Variants in NDUFAF2 observed in about 807,000 individuals in gnomAD.
The protein encoded by NDUFAF2 is NADH dehydrogenase [ubiquinone] 1 alpha subcomplex assembly factor 2.
In NDUFAF2, 13 loss-of-function variants were observed where a neutral mutation model predicts 22.8. The ratio of observed to expected loss-of-function variants is 0.57; its 90% CI spans 0.37 to 0.91. The LOEUF (loss-of-function observed/expected upper bound fraction) is 0.91. Among genes scored for constraint, NDUFAF2 ranks in the 40% least tolerant of loss-of-function variants. The pLI, the probability that NDUFAF2 is intolerant of heterozygous loss-of-function variation, is 0.01. For missense variants in NDUFAF2, 162 were observed against 195.2 expected, an observed-to-expected ratio of 0.83 and a Z score of 1.01; for synonymous variants, 53 against 64.2, an observed-to-expected ratio of 0.83 and a Z score of 0.84.
intron 3 of NDUFAF2, among the ~76,000 whole-genome samples, chr5:61,124,431 A>G (rs1341769239): frequency 6.6e-6 from 1 of 151,918 alleles, no homozygotes; most frequent in African/African-American, 2.4e-5. Context: ...AAAGATTTCT[A>G]TTTTGGACAT....
chr5:60,947,638 C>T (rs753470189), intron 1 of NDUFAF2, among the ~76,000 whole-genome samples: 7 of 151,790 alleles, frequency 4.6e-5, no homozygotes, highest in East Asian at 1.9e-4. Flanking sequence ...TGGTGGCACG[C>T]GCCTGTAATC....
intron 1 of NDUFAF2, among the ~76,000 whole-genome samples, chr5:60,988,256 A>G (rs1204221615): frequency 1.3e-5 from 2 of 152,160 alleles, no homozygotes; most frequent in Non-Finnish European, 2.9e-5. Flanking sequence ...AGAATTACAA[A>G]CACTGCTCAA....
chr5:61,131,750 C>A (rs1753114259), intron 3 of NDUFAF2, among the ~76,000 whole-genome samples: 1 of 151,798 alleles, frequency 6.6e-6, no homozygotes, highest in Non-Finnish European at 1.5e-5. Context: ...TATATTTTAT[C>A]TATAATTATA....
chr5:61,128,379 C>T (rs1458808426), intron 3 of NDUFAF2, among the ~76,000 whole-genome samples: 6 of 152,080 alleles, frequency 3.9e-5, no homozygotes, highest in Non-Finnish European at 7.4e-5. Context: ...GGAGGCATCA[C>T]GCTACCTGAC....
intron 1 of NDUFAF2, among the ~76,000 whole-genome samples, chr5:60,990,504 G>A (rs886195062): frequency 6.6e-6 from 1 of 152,026 alleles, no homozygotes; most frequent in African/African-American, 2.4e-5. Flanking sequence ...TAAATGTTAT[G>A]TACATTTTTA....
At chr5:61,014,247 C>T (rs994465355) in intron 1 of NDUFAF2, among the ~76,000 whole-genome samples, 3 of 152,284 alleles carry the variant, frequency 2.0e-5, no homozygotes, top group South Asian at 2.1e-4. Context: ...ATGAGACCTC[C>T]GTGAAAACCC....
intron 3 of NDUFAF2, among the ~76,000 whole-genome samples, chr5:61,139,667 G>A (rs1188293461): frequency 6.6e-6 from 1 of 152,208 alleles, no homozygotes; most frequent in Admixed American, 6.5e-5. Context: ...TAATAGGGGC[G>A]GGTCCCTGGT....
intron 3 of NDUFAF2, among the ~76,000 whole-genome samples, chr5:61,124,136 C>A (rs1184611884): frequency 6.6e-6 from 1 of 151,948 alleles, no homozygotes; most frequent in African/African-American, 2.4e-5. Flanking sequence ...TGAATAGTTT[C>A]TTTTTCTCAG....
At chr5:60,999,502 G>A (rs370655957) in intron 1 of NDUFAF2, among the ~76,000 whole-genome samples, 2 of 152,180 alleles carry the variant, frequency 1.3e-5, no homozygotes, top group Admixed American at 6.6e-5. Flanking sequence ...CCATTTATAT[G>A]AAATATCCAG....
At chr5:61,124,149 A>G (rs1339053905) in intron 3 of NDUFAF2, among the ~76,000 whole-genome samples, 3 of 152,074 alleles carry the variant, frequency 2.0e-5, no homozygotes, top group African/African-American at 4.8e-5. Context: ...TTTCTCAGTA[A>G]CTGACTGACA....
At chr5:60,983,486 C>T (rs1210890096) in intron 1 of NDUFAF2, among the ~76,000 whole-genome samples, 1 of 146,164 alleles carries the variant, frequency 6.8e-6, no homozygotes, top group Non-Finnish European at 1.5e-5. Flanking sequence ...ATGCCTATGT[C>T]CTGAATGGTA....
At chr5:61,083,474 G>A (rs564406846) in intron 2 of NDUFAF2, 1 of 152,228 alleles carries the variant, frequency 6.6e-6, no homozygotes, top group East Asian at 1.9e-4. Flanking sequence ...TCCTGCCTCA[G>A]CCTCATGAGT....
chr5:60,978,747 G>T (rs750534026), intron 1 of NDUFAF2, among the ~76,000 whole-genome samples: 1 of 152,092 alleles, frequency 6.6e-6, no homozygotes, highest in Non-Finnish European at 1.5e-5. Context: ...TACAATTCCT[G>T]GCCTAGTTTT....
At position 61,147,437 on chromosome 5, in the gene NDUFAF2, C is replaced by CTTTTTTT. The variant is rs1240336890; in HGVS notation, c.259-5256_259-5250dup. ...CTAATTTTTGTATTTTTTTTTCTTT[C>CTTTTTTT]TTTTTTTTTTTTTTTTTGTAGCAAC... is the stretch of plus-strand genomic sequence containing the variant. On this transcript the variant is annotated intron_variant, in intron 3 of 3. Coordinates refer to ENST00000296597, the MANE Select transcript of NDUFAF2 (RefSeq NM_174889.5). Among the ~76,000 whole-genome samples, 13 of 84,724 alleles carry CTTTTTTT rather than the reference C, an allele frequency of 1.5e-4. No homozygotes were observed. The South Asian group carries it at 1.6e-3, about 10-fold the overall frequency. The allele number at this position is 84,724 out of a possible 152,430, so 55.6% of individuals were successfully genotyped here. A position where few individuals can be genotyped will look rare whatever the true frequency, so the allele number is the denominator to read the frequency against.
chr5:60,985,649 T>C (rs1309911599), intron 1 of NDUFAF2, among the ~76,000 whole-genome samples: 1 of 152,224 alleles, frequency 6.6e-6, no homozygotes, highest in Non-Finnish European at 1.5e-5. Flanking sequence ...CATTTCGTTA[T>C]GTACCCAGTA....
intron 1 of NDUFAF2, among the ~76,000 whole-genome samples, chr5:61,045,476 T>C (rs1751942463): frequency 6.6e-6 from 1 of 151,632 alleles, no homozygotes; most frequent in Non-Finnish European, 1.5e-5. Context: ...CTTGACTTTT[T>C]TTCTATTTTT....
At chr5:61,121,962 C>T (rs1284787840) in intron 3 of NDUFAF2, among the ~76,000 whole-genome samples, 1 of 151,952 alleles carries the variant, frequency 6.6e-6, no homozygotes, top group East Asian at 1.9e-4. Flanking sequence ...TCCCAAAAAG[C>T]TGGGATTACA....
chr5:61,110,790 C>T (rs995988647), intron 3 of NDUFAF2, among the ~76,000 whole-genome samples: 2 of 151,692 alleles, frequency 1.3e-5, no homozygotes, highest in Non-Finnish European at 2.9e-5. Context: ...CTTTTGTATT[C>T]TTCATATTGT....
intron 1 of NDUFAF2, among the ~76,000 whole-genome samples, chr5:61,049,222 G>A (rs1751993014): frequency 6.6e-6 from 1 of 152,036 alleles, no homozygotes; most frequent in Admixed American, 6.6e-5. Context: ...AGAGTATGTA[G>A]TAATTTTTTA....
Sources: gnomAD v4.1 joint callset for allele counts (sites outside exome capture counted in the v4.1 genomes callset) on GRCh38, gnomAD v4.1.1 for gene constraint, MANE v1.5 for transcripts, NCBI Gene and HGNC (gene_info 2026-07-23, HGNC 2026-07-21) for gene names.